Variants in KCNQ5 observed in about 807,000 individuals in gnomAD.
KCNQ5 encodes potassium voltage-gated channel subfamily Q member 5.
A neutral mutation model predicts 98.2 loss-of-function variants in KCNQ5; 30 were observed. The observed-to-expected ratio is 0.31, with a 90% CI of 0.23 to 0.41. The LOEUF (loss-of-function observed/expected upper bound fraction) is 0.41, where lower values mean the gene tolerates loss of function less well. KCNQ5 is among the 10% of genes least tolerant of loss of function. The pLI is 1.00. For missense variants in KCNQ5, 835 were observed against 1,182.5 expected (o/e 0.71, Z 4.31); for synonymous variants, 458 against 449.4 (o/e 1.02, Z -0.24).
chr6:72,857,457 T>C (rs1777579940), intron 1 of KCNQ5, among the ~76,000 whole-genome samples: 1 of 152,206 alleles, frequency 6.6e-6, no homozygotes, highest in African/African-American at 2.4e-5. Flanking sequence ...ACTGACTATA[T>C]GCTTCTAATG....
rs551410946 is a variant in KCNQ5, at chr6:72,733,815, C to A, written c.398+111228C>A. On this transcript the variant is annotated intron_variant, in intron 1 of 13. Transcript: ENST00000370398. The stretch of plus-strand genomic sequence containing the variant: ...AATTGAGGAATGAGTTGCCTAGGAG[C>A]AGATCCTGCATCAGTCCTGCAGCCC... 1.9e-4 allele frequency among the ~76,000 whole-genome samples: 29 copies of A among 152,302 alleles called. 1 individual carries two copies. In the East Asian group the frequency reaches 5.6e-3, roughly 29 times the overall value.
At chr6:72,632,425 GC>G (rs1004195365) in intron 1 of KCNQ5, among the ~76,000 whole-genome samples, 38 of 152,102 alleles carry the variant, frequency 2.5e-4, no homozygotes, top group African/African-American at 8.7e-4. Context: ...ACAGGCGTGA[GC>G]CACCGCGCCT....
At chr6:73,047,783 C>A (rs1772038804) in intron 3 of KCNQ5, among the ~76,000 whole-genome samples, 1 of 152,098 alleles carries the variant, frequency 6.6e-6, no homozygotes. Context: ...ACGGTCCCTG[C>A]CTGTAAGAAT....
intron 11 of KCNQ5, among the ~76,000 whole-genome samples, chr6:73,184,114 T>G (rs1319331911): frequency 6.6e-6 from 1 of 152,226 alleles, no homozygotes; most frequent in Non-Finnish European, 1.5e-5. Flanking sequence ...TTCTTTACTT[T>G]TGCTGCTTAT....
chr6:73,061,052 G>A (rs1410071012), intron 3 of KCNQ5, among the ~76,000 whole-genome samples: 1 of 152,090 alleles, frequency 6.6e-6, no homozygotes, highest in African/African-American at 2.4e-5. Flanking sequence ...ATAAACTATT[G>A]TAAATCCAAA....
chr6:72,784,774 T>C (rs984666772), intron 1 of KCNQ5, among the ~76,000 whole-genome samples: 1 of 152,112 alleles, frequency 6.6e-6, no homozygotes, highest in Non-Finnish European at 1.5e-5. Context: ...CCTACCCATA[T>C]CCCTTTGGCC....
At chr6:73,081,200 C>G (rs1302597790) in intron 5 of KCNQ5, among the ~76,000 whole-genome samples, 3 of 152,106 alleles carry the variant, frequency 2.0e-5, no homozygotes, top group Non-Finnish European at 2.9e-5. Context: ...AAAAGATGTC[C>G]TGGGTTCTGA....
intron 3 of KCNQ5, among the ~76,000 whole-genome samples, chr6:73,050,371 A>G (rs1301895984): frequency 1.3e-5 from 2 of 152,092 alleles, no homozygotes; most frequent in Non-Finnish European, 2.9e-5. Context: ...GAAAGGAAAG[A>G]AAATAAATGT....
rs1017238513 is a variant in KCNQ5, at chr6:72,731,026, G to A, written c.398+108439G>A. Among the ~76,000 whole-genome samples, 3 of 152,072 alleles carry A rather than the reference G, an allele frequency of 2.0e-5. No individual in the cohort carries two copies. In the East Asian group the frequency reaches 5.8e-4, roughly 29 times the overall value. Reference sequence around the variant, plus strand: ...GGTTCTTGCATATTTCTCATTAAGTGTTTTTCTATTTCTGATTCTATTTAT... The same window carrying A: ...GGTTCTTGCATATTTCTCATTAAGTATTTTTCTATTTCTGATTCTATTTAT... On this transcript the variant is annotated intron_variant, in intron 1 of 13. Transcript: ENST00000370398.
At chr6:72,745,804 T>C (rs1430338345) in intron 1 of KCNQ5, among the ~76,000 whole-genome samples, 3 of 152,182 alleles carry the variant, frequency 2.0e-5, no homozygotes, top group African/African-American at 7.2e-5. Context: ...GGTCATATTC[T>C]TTCTGAAGGC....
At chr6:72,853,877 A>G (rs984212120) in intron 1 of KCNQ5, among the ~76,000 whole-genome samples, 2 of 152,204 alleles carry the variant, frequency 1.3e-5, no homozygotes, top group African/African-American at 2.4e-5. Flanking sequence ...CATGTTTCTT[A>G]TAAACATTTA....
chr6:72,935,456 T>C (rs185919128), intron 1 of KCNQ5, among the ~76,000 whole-genome samples: 12 of 152,276 alleles, frequency 7.9e-5, no homozygotes, highest in Admixed American at 2.0e-4. Flanking sequence ...CCTTTAAATT[T>C]ATGACCATAT....
chr6:72,763,540 T>G (rs1435265857), intron 1 of KCNQ5, among the ~76,000 whole-genome samples: 2 of 152,070 alleles, frequency 1.3e-5, no homozygotes, highest in Non-Finnish European at 2.9e-5. Context: ...TTAAGATTCT[T>G]AATATCTGAA....
intron 1 of KCNQ5, among the ~76,000 whole-genome samples, chr6:72,677,811 T>C (rs1767488751): frequency 6.6e-6 from 1 of 152,180 alleles, no homozygotes; most frequent in Non-Finnish European, 1.5e-5. Context: ...AATATCAACA[T>C]ACAAAGTTGA....
chr6:73,130,412 G>A (rs975978181), intron 9 of KCNQ5, among the ~76,000 whole-genome samples: 3 of 152,080 alleles, frequency 2.0e-5, no homozygotes, highest in African/African-American at 7.2e-5. Context: ...TGCTGAGCAT[G>A]GTCCTCAGCT....
chr6:72,973,418 T>TA (rs778681092), intron 1 of KCNQ5, among the ~76,000 whole-genome samples: 10 of 152,162 alleles, frequency 6.6e-5, no homozygotes, highest in African/African-American at 7.2e-5. Context: ...ATTTTTTTTT[T>TA]ACTGGAGGGA....
At chr6:73,003,240 G>A (rs1769667911) in intron 1 of KCNQ5, among the ~76,000 whole-genome samples, 2 of 152,044 alleles carry the variant, frequency 1.3e-5, no homozygotes, top group Admixed American at 6.5e-5. Context: ...CCTGAATTCT[G>A]TTTCTTATCC....
At chr6:72,738,267 G>A (rs1468596315) in intron 1 of KCNQ5, among the ~76,000 whole-genome samples, 1 of 152,128 alleles carries the variant, frequency 6.6e-6, no homozygotes, top group East Asian at 1.9e-4. Flanking sequence ...GACTTTCCAC[G>A]TTTCTCAGAT....
chr6:73,138,011 A>G (rs1421955555), intron 10 of KCNQ5, among the ~76,000 whole-genome samples: 1 of 152,148 alleles, frequency 6.6e-6, no homozygotes, highest in African/African-American at 2.4e-5. Context: ...CTCAGCTGCC[A>G]AACCTCTCAA....
Sources: gnomAD v4.1 joint callset for allele counts (sites outside exome capture counted in the v4.1 genomes callset) on GRCh38, gnomAD v4.1.1 for gene constraint, MANE v1.5 for transcripts, NCBI Gene and HGNC (gene_info 2026-07-23, HGNC 2026-07-21) for gene names.